The following ABCB11 variants were observed in gnomAD, a reference collection of about 807,000 sequenced individuals.
ABCB11 encodes the protein bile salt export pump.
Under a neutral mutation model 148.0 loss-of-function variants are expected in ABCB11, and 95 were observed. That is an observed-to-expected ratio of 0.64 (90% CI 0.54 to 0.76). The LOEUF (loss-of-function observed/expected upper bound fraction) is 0.76. ABCB11 is among the 30% of genes least tolerant of loss of function. The pLI is 0.00. For synonymous variants in ABCB11, 591 were observed against 555.4 expected, an observed-to-expected ratio of 1.06 and a Z score of -0.90; for missense variants, 1,523 against 1,617.8, an observed-to-expected ratio of 0.94 and a Z score of 1.01.
At position 168,936,869 on chromosome 2, in the gene ABCB11, C is replaced by T. The variant is rs1035938871; in HGVS notation, c.2611-436G>A. On this transcript the variant is annotated intron_variant, in intron 21 of 27. Transcript: ENST00000650372. ...TGTAGCAGGTATACAAATTTCATTC[C>T]TTTTTATTTTTATTTTTTGTTTATT... is the stretch of plus-strand genomic sequence containing the variant. Among the ~76,000 whole-genome samples the T allele has an allele frequency of 6.2e-4, 94 of 152,086 alleles. 1 individual carries two copies. The highest frequency in any genetic ancestry group is 2.2e-3 in the African/African-American group (91 of 41,498).
rs1425176717 is a variant in ABCB11, at chr2:168,973,804, C to T, written c.1345G>A (p.Glu449Lys). The T allele has an allele frequency of 8.1e-6, 13 of 1,611,912 alleles. No homozygotes were observed. The highest frequency in any genetic ancestry group is 6.7e-5 in the East Asian group (3 of 44,820). ...NDLNMVIKPGEMTALVGPSGA... is the reference protein window; with the variant it reads ...NDLNMVIKPGKMTALVGPSGA... ...CTGGGTCCTACCAGAGCTGTCATTT[C>T]CCCTGGTTTAATGACCATGTTGAGG... The change falls in exon 13 of 28, where the codon GAA becomes AAA. Residue 449 changes from glutamate (E) to lysine (K), a missense_variant. By Grantham distance (56) the Glu-to-Lys change is moderately conservative. Coordinates refer to ENST00000650372, the MANE Select transcript of ABCB11 (RefSeq NM_003742.4).
chr2:168,937,063 T>C (rs1691866602), intron 21 of ABCB11, among the ~76,000 whole-genome samples: 1 of 152,066 alleles, frequency 6.6e-6, no homozygotes, highest in South Asian at 2.1e-4. Context: ...AATTTTTTAA[T>C]CTTAGTAGAA....
chr2:168,972,455 T>C (rs1341677740), intron 13 of ABCB11, among the ~76,000 whole-genome samples: 1 of 99,968 alleles, frequency 1.0e-5, no homozygotes, highest in Non-Finnish European at 2.3e-5. Context: ...ATATGATTTA[T>C]AGTAAGTCTT....
chr2:168,956,239 C>G (rs890806335), intron 19 of ABCB11, among the ~76,000 whole-genome samples: 2 of 151,578 alleles, frequency 1.3e-5, no homozygotes, highest in Non-Finnish European at 3.0e-5. Context: ...GGAAATCCAC[C>G]CACCCATGAT....
Position 169,006,511 on chromosome 2 carries a change from C to T in ABCB11, c.389+6761G>A, listed in dbSNP as rs1695023036. On this transcript the variant is annotated intron_variant, in intron 5 of 27. Coordinates refer to ENST00000650372, the MANE Select transcript of ABCB11 (RefSeq NM_003742.4). ...AGGATGTGTGCTCTCACCACTTCTA[C>T]TCAACATTGTACTGGAGGTTTGGGC... Among the ~76,000 whole-genome samples the T allele has an allele frequency of 1.3e-5, 2 of 151,992 alleles. 1 individual carries two copies. Among genetic ancestry groups the T allele is most frequent in the South Asian group, 4.1e-4 (2 of 4,830 alleles).
At chr2:168,948,643 T>G (rs1221071196) in intron 19 of ABCB11, among the ~76,000 whole-genome samples, 1 of 151,774 alleles carries the variant, frequency 6.6e-6, no homozygotes, top group Admixed American at 6.6e-5. Flanking sequence ...AAAAGATGAT[T>G]CATTTTATAT....
At chr2:168,925,841 T>C (rs1293313315) in intron 26 of ABCB11, among the ~76,000 whole-genome samples, 2 of 152,204 alleles carry the variant, frequency 1.3e-5, no homozygotes, top group Admixed American at 1.3e-4. Flanking sequence ...ACCAGCTCCA[T>C]GACAGTGCCT....
chr2:168,958,109 T>G lies in ABCB11; in HGVS notation c.2198A>C (p.Gln733Pro). The G allele has an allele frequency of 3.1e-6, 5 of 1,611,010 alleles. No homozygotes were observed. The highest frequency in any genetic ancestry group is 4.2e-6 in the Non-Finnish European group (5 of 1,177,990). The change falls in exon 19 of 28, where the codon CAG (glutamine) becomes CCG (proline). Residue 733 changes from glutamine (Q) to proline (P), a missense_variant. Physicochemically the swap from Gln to Pro is moderately conservative, Grantham distance 76 (BLOSUM62 -1). Transcript: ENST00000650372. ...EDRKDKDIPV[Q>P]EEVEPAPVRR... ...AACTGGGGCAGGTTCAACTTCTTCCTGCACAGGAATGTCCTTGTCCTTGAG... is the reference window on the plus strand; with the variant it reads ...AACTGGGGCAGGTTCAACTTCTTCCGGCACAGGAATGTCCTTGTCCTTGAG...
chr2:169,017,941 T>C (rs776373099), intron 2 of ABCB11, 109 bp downstream of exon 2: 1 of 876,168 alleles, frequency 1.1e-6, no homozygotes, highest in South Asian at 1.3e-5. Context: ...ATGATACTTC[T>C]ACCTACTGTT....
chr2:168,996,833 A>G (rs933869098), intron 5 of ABCB11, 111 bp from the exon 6 acceptor site: 1 of 252,916 alleles, frequency 4.0e-6, no homozygotes, highest in South Asian at 1.5e-4. Context: ...AAATATATAT[A>G]TAATATATAA....
At chr2:168,934,394 C>T (rs1378052741) in intron 23 of ABCB11, among the ~76,000 whole-genome samples, 2 of 152,124 alleles carry the variant, frequency 1.3e-5, no homozygotes, top group African/African-American at 4.8e-5. Context: ...CCACCCTTAC[C>T]CCCCGACTCG....
chr2:168,943,058 A>C (rs1692139301), intron 21 of ABCB11, among the ~76,000 whole-genome samples: 2 of 151,958 alleles, frequency 1.3e-5, no homozygotes, highest in African/African-American at 4.8e-5. Flanking sequence ...TATTAGAAAA[A>C]TTCTGAGAAA....
rs761817656 is a variant in ABCB11, at chr2:168,986,092, TCAATAAGTC to T, written c.1083+9_1083+17del. On this transcript the variant is annotated intron_variant, in intron 10 of 27. Coordinates refer to ENST00000650372, the MANE Select transcript of ABCB11 (RefSeq NM_003742.4). ...ACCAGAAGGAAATGCTATGTCTCGG[TCAATAAGTC>T]CAAGGTACCTGGACAAGGGTTCCTG... The T allele has an allele frequency of 9.1e-6, 14 of 1,538,848 alleles. No homozygotes were observed. In the East Asian group the frequency reaches 3.2e-4, roughly 35 times the overall value.
At position 168,982,326 on chromosome 2, in the gene ABCB11, G is replaced by C. The variant is rs1694159428; in HGVS notation, c.1084-2347C>G. The stretch of plus-strand genomic sequence containing the variant: ...GCTTCAATTTCATTTTTAAGTGGTA[G>C]TATAATGACACCAATTACGGAATGA... On this transcript the variant is annotated intron_variant, in intron 10 of 27. Coordinates refer to ENST00000650372, the MANE Select transcript of ABCB11 (RefSeq NM_003742.4). Among the ~76,000 whole-genome samples the C allele has an allele frequency of 2.6e-5, 4 of 152,266 alleles. 1 individual carries two copies. The South Asian group carries it at 8.3e-4, about 32-fold the overall frequency.
downstream of ABCB11, among the ~76,000 whole-genome samples, chr2:168,917,245 ACAGTAGCATTT>A (rs942328112): frequency 6.6e-6 from 1 of 152,108 alleles, no homozygotes; most frequent in African/African-American, 2.4e-5. Context: ...TTTTTCTCAA[ACAGTAGCATTT>A]CTAATATATG....
intron 3 of ABCB11, 136 bp downstream of exon 3, chr2:169,016,642 G>C (rs904911962): frequency 2.7e-6 from 2 of 740,614 alleles, no homozygotes; most frequent in Non-Finnish European, 4.4e-6. Context: ...ATTTTAAAGA[G>C]AAAAAGAATG....
intron 13 of ABCB11, among the ~76,000 whole-genome samples, chr2:168,973,402 T>C (rs993742125): frequency 6.6e-6 from 1 of 152,090 alleles, no homozygotes; most frequent in Non-Finnish European, 1.5e-5. Context: ...ATCAGATTTC[T>C]ATACATGTTC....
intron 27 of ABCB11, among the ~76,000 whole-genome samples, 155 bp from the exon 28 acceptor site, chr2:168,923,977 G>A (rs1691191552): frequency 1.3e-5 from 2 of 152,162 alleles, no homozygotes; most frequent in African/African-American, 4.8e-5. Context: ...AGTATTCCCT[G>A]AATGCAATGC....
intron 19 of ABCB11, among the ~76,000 whole-genome samples, chr2:168,956,192 C>T (rs1043958201): frequency 4.6e-5 from 7 of 150,734 alleles, no homozygotes; most frequent in Admixed American, 6.6e-5. Context: ...AACCAGATCT[C>T]GTGAGAACTC....
Sources: gnomAD v4.1 joint callset for allele counts (sites outside exome capture counted in the v4.1 genomes callset) on GRCh38, gnomAD v4.1.1 for gene constraint, MANE v1.5 for transcripts, NCBI Gene and HGNC (gene_info 2026-07-23, HGNC 2026-07-21) for gene names.